The following ZNF516 variants were observed in gnomAD, a reference collection of about 807,000 sequenced individuals.
ZNF516 encodes zinc finger protein 516.
A neutral mutation model predicts 79.7 loss-of-function variants in ZNF516; 19 were observed. That is an observed-to-expected ratio of 0.24 (90% confidence interval 0.17 to 0.35). The LOEUF (loss-of-function observed/expected upper bound fraction) is 0.35. Among genes scored for constraint, ZNF516 ranks in the 10% least tolerant of loss-of-function variants. ZNF516 has a pLI of 1.00. For synonymous variants in ZNF516, 877 were observed against 739.5 expected, an observed-to-expected ratio of 1.19 and a Z score of -3.02; for missense variants, 1,678 against 1,679.5, an observed-to-expected ratio of 1.00 and a Z score of 0.02.
In ZNF516 at chr18:76,357,993, GA is replaced by G. The variant is rs146852909; in HGVS notation, c.*4504del. ...TGTCCTCGAGTCCACAAAAGAGTTG[GA>G]AAAAAACCACTCGGGCCATCTGGGC... On this transcript the variant is annotated 3_prime_UTR_variant, in exon 7 of 7. Coordinates refer to ENST00000443185, the MANE Select transcript of ZNF516 (RefSeq NM_014643.4). 5.3e-4 allele frequency among the ~76,000 whole-genome samples: 80 copies of G among 152,052 alleles called. No individual in the cohort carries two copies. The East Asian group carries it at 0.014, about 27-fold the overall frequency.
At chr18:76,492,894 A>C (rs1211098201) in intron 1 of ZNF516, 3 of 985,482 alleles carry the variant, frequency 3.0e-6, no homozygotes, top group Non-Finnish European at 3.6e-6. Context: ...TCTACATCAC[A>C]CATCTGTGTA....
chr18:76,380,544 T>G (rs111476830), intron 3 of ZNF516, among the ~76,000 whole-genome samples: 2 of 152,058 alleles, frequency 1.3e-5, no homozygotes, highest in East Asian at 3.9e-4. Context: ...AGGGAAAAAA[T>G]ACAATAGCAG....
intron 3 of ZNF516, among the ~76,000 whole-genome samples, chr18:76,423,182 CAT>C: frequency 6.6e-6 from 1 of 152,180 alleles, no homozygotes; most frequent in Middle Eastern, 3.2e-3. Context: ...GGAAGGGATG[CAT>C]ATATGTTCCC....
chr18:76,460,447 C>T (rs534381401), intron 2 of ZNF516, among the ~76,000 whole-genome samples: 1 of 152,240 alleles, frequency 6.6e-6, no homozygotes, highest in East Asian at 1.9e-4. Context: ...AAAAGGGGTA[C>T]AATCTAAATA....
chr18:76,485,442 A>AGC (rs765133086), intron 1 of ZNF516, among the ~76,000 whole-genome samples: 21 of 152,242 alleles, frequency 1.4e-4, no homozygotes, highest in Admixed American at 6.5e-4. Context: ...GCAAAGCCCC[A>AGC]GCCCACCTTT....
In ZNF516 at chr18:76,360,640, A is replaced by ATATATATATAT. The variant is rs1239135425; in HGVS notation, c.*1857_*1858insATATATATATA. On this transcript the variant is annotated 3_prime_UTR_variant, in exon 7 of 7. Coordinates refer to ENST00000443185, the MANE Select transcript of ZNF516 (RefSeq NM_014643.4). Reference sequence around the variant, plus strand: ...TATCAGAAAAAAATAAGTAAAAAAAAAAAAAAATATATATATATATATATA... The same window carrying ATATATATATAT: ...TATCAGAAAAAAATAAGTAAAAAAAATATATATATATAAAAAAATATATATATATATATATA... 7.4e-5 allele frequency: 8 copies of ATATATATATAT among 107,500 alleles called. No homozygotes were observed. Among genetic ancestry groups the ATATATATATAT allele is most frequent in the Non-Finnish European group, 1.4e-4 (7 of 50,404 alleles). 6.7% of individuals were successfully genotyped at this position (107,500 alleles called of 1,614,324 possible).
At chr18:76,447,488 A>T (rs1457411996) in intron 2 of ZNF516, among the ~76,000 whole-genome samples, 1 of 152,192 alleles carries the variant, frequency 6.6e-6, no homozygotes, top group Non-Finnish European at 1.5e-5. Flanking sequence ...CACGCCAAAT[A>T]CAAGTTGTTC....
chr18:76,371,349 G>A (rs1297937474), intron 5 of ZNF516, 118 bp downstream of exon 5: 49 of 1,056,550 alleles, frequency 4.6e-5, no homozygotes, highest in Non-Finnish European at 6.2e-5. Context: ...CAGGCCCCCC[G>A]CCGCCTGGTA....
chr18:76,427,980 AAC>A (rs1009200862), intron 3 of ZNF516, among the ~76,000 whole-genome samples: 1 of 152,260 alleles, frequency 6.6e-6, no homozygotes, highest in Non-Finnish European at 1.5e-5. Context: ...GGCATGGAGA[AAC>A]ACACACACTC....
chr18:76,442,443 C>G lies in ZNF516; in HGVS notation c.612G>C (p.Leu204=), dbSNP rs1337485709. ...HQAHKPFKCR[L]CSYATLREES... ...CCTCCCGCAGCGTCGCGTAGCTGCA[C>G]AGCCTGCACTTGAACGGCTTGTGCG... The change falls in exon 3 of 7, where the codon CTG becomes CTC. Residue 204 remains leucine, a synonymous_variant. Transcript: ENST00000443185. 6 of 1,606,594 alleles carry G rather than the reference C, an allele frequency of 3.7e-6. No homozygotes were observed. The highest frequency in any genetic ancestry group is 4.2e-6 in the Non-Finnish European group (5 of 1,179,670).
chr18:76,463,750 C>T (rs1213709292), intron 1 of ZNF516, among the ~76,000 whole-genome samples: 1 of 152,190 alleles, frequency 6.6e-6, no homozygotes, highest in African/African-American at 2.4e-5. Context: ...CACGGAATCC[C>T]CAGATGTTTC....
Position 76,360,677 on chromosome 18 carries a change from A to ATATATG in ZNF516, c.*1820_*1821insCATATA, listed in dbSNP as rs1173902289. 21 of 113,652 alleles carry ATATATG rather than the reference A, an allele frequency of 1.8e-4. No individual in the cohort carries two copies. The highest frequency in any genetic ancestry group is 3.2e-4 in the Non-Finnish European group (17 of 53,414). The allele number at this position is 113,652 out of a possible 1,614,324, so 7.0% of individuals were successfully genotyped here. A position where few individuals can be genotyped will look rare whatever the true frequency, so the allele number is the denominator to read the frequency against. ...TATATATATATATATATATATATATATAAGCTAGCCAGTTACATTGCATCG... is the reference window on the plus strand; with the variant it reads ...TATATATATATATATATATATATATATATATGTAAGCTAGCCAGTTACATTGCATCG... On this transcript the variant is annotated 3_prime_UTR_variant, in exon 7 of 7. Coordinates refer to ENST00000443185, the MANE Select transcript of ZNF516 (RefSeq NM_014643.4).
At chr18:76,466,718 C>T (rs1913495003) in intron 1 of ZNF516, among the ~76,000 whole-genome samples, 1 of 152,312 alleles carries the variant, frequency 6.6e-6, no homozygotes, top group African/African-American at 2.4e-5. Context: ...AGTGGGGACA[C>T]GTGCCTACAG....
intron 3 of ZNF516, among the ~76,000 whole-genome samples, chr18:76,414,697 A>C (rs534965250): frequency 2.5e-4 from 38 of 152,386 alleles, no homozygotes; most frequent in African/African-American, 8.9e-4. Flanking sequence ...ATAAATTCTA[A>C]AATTTGGTCT....
At position 76,361,875 on chromosome 18, in the gene ZNF516, CAAT is replaced by C. The variant is rs1161929102; in HGVS notation, c.*620_*622del. The C allele has an allele frequency of 6.6e-6, 1 of 152,238 alleles. No homozygotes were observed. The highest frequency in any genetic ancestry group is 2.4e-5 in the African/African-American group (1 of 41,440). The allele number at this position is 152,238 out of a possible 1,614,324, so 9.4% of individuals were successfully genotyped here. ...GGAGGAGTGCGATGGAGCCAGTGAA[CAAT>C]GAGGGTCTCATCATCATACCCCTCC... On this transcript the variant is annotated 3_prime_UTR_variant, in exon 7 of 7. Coordinates refer to ENST00000443185, the MANE Select transcript of ZNF516 (RefSeq NM_014643.4).
intron 3 of ZNF516, among the ~76,000 whole-genome samples, chr18:76,391,298 T>C (rs1161269395): frequency 2.0e-5 from 3 of 152,006 alleles, no homozygotes; most frequent in Non-Finnish European, 2.9e-5. Flanking sequence ...ACCCTAGCCA[T>C]AGCAGTAGCA....
chr18:76,379,097 G>C lies in ZNF516; in HGVS notation c.3017C>G (p.Ala1006Gly), dbSNP rs1376588661. Reference protein sequence around the residue: ...PLPPREPPSKAAQELRTLATC... With the variant: ...PLPPREPPSKGAQELRTLATC... ...GGCCAGAGTCCTCAGCTCCTGGGCT[G>C]CCTTCGAGGGGGGCTCGCGGGGAGG... is the stretch of plus-strand genomic sequence containing the variant. The change falls in exon 4 of 7, where the codon GCA becomes GGA. Residue 1006 changes from alanine to glycine, a missense_variant. Physicochemically the swap from Ala to Gly is moderately conservative, Grantham distance 60 (BLOSUM62 0). Around this residue, in one of 5 missense-constraint regions of ZNF516, gnomAD observed 1,294 missense variants for 1,248.3 expected, o/e 1.04. Coordinates refer to ENST00000443185, the MANE Select transcript of ZNF516 (RefSeq NM_014643.4). The C allele has an allele frequency of 3.7e-6, 6 of 1,611,246 alleles. No individual in the cohort carries two copies. The highest frequency in any genetic ancestry group is 5.1e-6 in the Non-Finnish European group (6 of 1,179,656).
chr18:76,461,626 C>T (rs951494800), intron 2 of ZNF516, among the ~76,000 whole-genome samples: 8 of 152,238 alleles, frequency 5.3e-5, no homozygotes, highest in South Asian at 2.1e-4. Flanking sequence ...GCCATCCAAA[C>T]GTAAAATCAG....
intron 3 of ZNF516, among the ~76,000 whole-genome samples, chr18:76,385,491 C>T (rs2074972508): frequency 6.6e-6 from 1 of 152,196 alleles, no homozygotes; most frequent in Non-Finnish European, 1.5e-5. Flanking sequence ...ATATACATAA[C>T]AAAAAAGTCT....
Sources: allele counts gnomAD v4.1 joint callset (sites outside exome capture counted in the v4.1 genomes callset), GRCh38; gene constraint gnomAD v4.1.1; regional missense constraint gnomAD v4.1.1; transcripts MANE v1.5; gene names NCBI Gene and HGNC (gene_info 2026-07-23, HGNC 2026-07-21).